The following ANXA8 variants were observed in gnomAD, a reference collection of about 807,000 sequenced individuals.
The protein encoded by ANXA8 is VAC-beta.
A neutral mutation model predicts 26.8 loss-of-function variants in ANXA8; 9 were observed. That is an observed-to-expected ratio of 0.34 (90% confidence interval 0.20 to 0.59). The LOEUF is 0.59. Ranked by LOEUF, ANXA8 falls within the 20% of genes least tolerant of loss-of-function variation. The probability of loss-of-function intolerance (pLI) is 0.84; values close to 1 mark genes in which losing one functional copy is unlikely to be tolerated. For missense variants in ANXA8, 83 were observed against 238.5 expected (o/e 0.35, Z 4.29); for synonymous variants, 39 against 94.8 (o/e 0.41, Z 3.42).
the ANXA8 span, among the ~76,000 whole-genome samples, chr10:47,929,095 A>G: frequency 8.7e-6 from 1 of 114,754 alleles, no homozygotes; most frequent in Non-Finnish European, 1.8e-5. Context: ...CGGCCTCCCA[A>G]AGTGCTGGGA....
At chr10:47,737,593 C>T in the ANXA8 span, among the ~76,000 whole-genome samples, 3 of 151,826 alleles carry the variant, frequency 2.0e-5, no homozygotes, top group Non-Finnish European at 4.4e-5. Flanking sequence ...AAAAGTACCC[C>T]CATATTTTTC....
the ANXA8 span, among the ~76,000 whole-genome samples, chr10:47,672,754 A>C: frequency 6.6e-6 from 1 of 151,956 alleles, no homozygotes; most frequent in Non-Finnish European, 1.5e-5. Flanking sequence ...TTTTGAGCAG[A>C]GACCTTAATG....
chr10:47,740,919 A>C, the ANXA8 span, among the ~76,000 whole-genome samples: 9 of 151,672 alleles, frequency 5.9e-5, no homozygotes, highest in South Asian at 6.3e-4. Flanking sequence ...ACTTGAGAAG[A>C]ATCTGCCAAA....
chr10:47,490,247 A>ATT, the ANXA8 span: 1 of 160,744 alleles, frequency 6.2e-6, no homozygotes, highest in African/African-American at 2.4e-5. Flanking sequence ...GAACTGAAGG[A>ATT]TTTCAGAGTC....
the ANXA8 span, chr10:47,986,507 G>A: frequency 7.2e-3 from 2,075 of 288,408 alleles, 44 homozygotes; most frequent in African/African-American, 0.044. Flanking sequence ...TGTCTTTTTC[G>A]TCCAGCCAGG....
At chr10:47,521,299 A>C in the ANXA8 span, among the ~76,000 whole-genome samples, 4 of 139,576 alleles carry the variant, frequency 2.9e-5, 1 homozygote, top group Non-Finnish European at 6.1e-5. Flanking sequence ...AACATCACCA[A>C]GCAGAGTATA....
At chr10:47,932,665 C>T in the ANXA8 span, among the ~76,000 whole-genome samples, 1 of 111,538 alleles carries the variant, frequency 9.0e-6, no homozygotes, top group Admixed American at 9.5e-5. Context: ...GGGATTAGGC[C>T]CTTACCAGAA....
chr10:47,700,973 A>T, the ANXA8 span, among the ~76,000 whole-genome samples: 1 of 150,544 alleles, frequency 6.6e-6, no homozygotes, highest in East Asian at 1.9e-4. Context: ...TCCCAGCTAC[A>T]TAGGAGGCTG....
chr10:47,699,299 T>G, the ANXA8 span, among the ~76,000 whole-genome samples: 1 of 132,708 alleles, frequency 7.5e-6, no homozygotes, highest in African/African-American at 2.9e-5. Context: ...AGTGAGCACC[T>G]GTACACTGCA....
At chr10:47,511,145 G>A in the ANXA8 span, among the ~76,000 whole-genome samples, 1 of 133,272 alleles carries the variant, frequency 7.5e-6, no homozygotes. Context: ...GGGTTTCACC[G>A]TGTTAGCCAG....
At chr10:47,752,734 G>A in the ANXA8 span, 1 of 27,980 alleles carries the variant, frequency 3.6e-5, no homozygotes, top group African/African-American at 1.4e-4. Flanking sequence ...ACAGAAATTG[G>A]AGGTGGAGTT....
chr10:47,548,824 A>G, the ANXA8 span, among the ~76,000 whole-genome samples: 1 of 151,974 alleles, frequency 6.6e-6, no homozygotes, highest in African/African-American at 2.4e-5. Context: ...TCCCATCTTC[A>G]CACAAGTTAC....
the ANXA8 span, among the ~76,000 whole-genome samples, chr10:47,688,332 C>G: frequency 1.3e-5 from 2 of 148,648 alleles, no homozygotes; most frequent in South Asian, 4.3e-4. Context: ...CCAAGCTGGC[C>G]TCAAACTCCT....
At chr10:47,676,351 T>C in the ANXA8 span, among the ~76,000 whole-genome samples, 1 of 151,750 alleles carries the variant, frequency 6.6e-6, no homozygotes. Flanking sequence ...GCAAGTTAAA[T>C]ACAAAACAAA....
At chr10:47,587,969 C>G in the ANXA8 span, among the ~76,000 whole-genome samples, 1 of 144,766 alleles carries the variant, frequency 6.9e-6, no homozygotes, top group Admixed American at 6.7e-5. Context: ...GTGTTTATCC[C>G]TCGAGCTGGC....
the ANXA8 span, chr10:47,691,073 A>C: frequency 6.2e-7 from 1 of 1,611,250 alleles, no homozygotes; most frequent in Middle Eastern, 2.3e-4. Flanking sequence ...TGTGAAGGAA[A>C]TAAACATAAA....
chr10:47,736,375 C>G, the ANXA8 span, among the ~76,000 whole-genome samples: 1 of 74,552 alleles, frequency 1.3e-5, no homozygotes, highest in African/African-American at 5.3e-5. Flanking sequence ...AGGCCAGTAT[C>G]TAGTGTGTAC....
chr10:47,481,603 A>G (rs1246760087), intron 1 of ANXA8, among the ~76,000 whole-genome samples: 256 of 146,332 alleles, frequency 1.7e-3, no homozygotes, highest in East Asian at 8.5e-3. Context: ...CAGGCTGTGT[A>G]ACCGCATCCC....
chr10:47,695,196 G>T, the ANXA8 span, among the ~76,000 whole-genome samples: 1 of 151,454 alleles, frequency 6.6e-6, no homozygotes, highest in Non-Finnish European at 1.5e-5. Flanking sequence ...TTTTTAGTAA[G>T]TCACCTGAAC....
Sources: allele counts gnomAD v4.1 joint callset (sites outside exome capture counted in the v4.1 genomes callset), GRCh38; gene constraint gnomAD v4.1.1; transcripts MANE v1.5; gene names NCBI Gene and HGNC (gene_info 2026-07-23, HGNC 2026-07-21).